The following STK31 variants were observed in gnomAD, a reference collection of about 807,000 sequenced individuals.
STK31 encodes the protein serine/threonine kinase 31.
STK31 carries 89 observed loss-of-function variants against 129.7 expected under a neutral mutation model. That is an observed-to-expected ratio of 0.69 (90% CI 0.58 to 0.82). The LOEUF (loss-of-function observed/expected upper bound fraction) is 0.82. Ranked by LOEUF, STK31 falls within the 40% of genes least tolerant of loss-of-function variation. The probability of loss-of-function intolerance (pLI) is 0.00; values close to 1 mark genes in which losing one functional copy is unlikely to be tolerated. For missense variants in STK31, 1,187 were observed against 1,176.4 expected (o/e 1.01, Z -0.13); for synonymous variants, 448 against 395.3 (o/e 1.13, Z -1.58).
intron 15 of STK31, among the ~76,000 whole-genome samples, chr7:23,773,915 CTG>C (rs1790362683): frequency 6.6e-6 from 1 of 151,808 alleles, no homozygotes; most frequent in South Asian, 2.1e-4. Flanking sequence ...TCTCCTAATG[CTG>C]TCTCTCTCCC....
chr7:23,812,396 C>G (rs1467218113), intron 22 of STK31, among the ~76,000 whole-genome samples: 2 of 91,842 alleles, frequency 2.2e-5, no homozygotes, highest in Non-Finnish European at 4.8e-5. Flanking sequence ...TCCCAAACAT[C>G]TTTTTTCATT....
At chr7:23,813,378 TGTG>T (rs1793270367) in intron 22 of STK31, among the ~76,000 whole-genome samples, 1 of 152,182 alleles carries the variant, frequency 6.6e-6, no homozygotes, top group African/African-American at 2.4e-5. Flanking sequence ...TGTGATTCAT[TGTG>T]GTGTTGATTG....
intron 22 of STK31, chr7:23,791,246 G>T: frequency 1.0e-6 from 1 of 984,310 alleles, no homozygotes; most frequent in Non-Finnish European, 1.2e-6. Context: ...GAAAATAAAT[G>T]TTAAATAAGC....
At chr7:23,822,669 T>C (rs1404194385) in intron 23 of STK31, among the ~76,000 whole-genome samples, 1 of 152,194 alleles carries the variant, frequency 6.6e-6, no homozygotes, top group Non-Finnish European at 1.5e-5. Flanking sequence ...TTGTTACATA[T>C]GTACACATGT....
chr7:23,764,277 A>T (rs1789673673), intron 11 of STK31, among the ~76,000 whole-genome samples: 1 of 152,164 alleles, frequency 6.6e-6, no homozygotes, highest in South Asian at 2.1e-4. Context: ...AATGTAGGTT[A>T]AGGTTCTGTA....
In STK31 at chr7:23,717,484, A is replaced by G; in HGVS notation, c.154A>G (p.Ile52Val). 3 of 1,597,826 alleles carry G rather than the reference A, an allele frequency of 1.9e-6. No individual in the cohort carries two copies. The highest frequency in any genetic ancestry group is 2.6e-6 in the Non-Finnish European group (3 of 1,166,396). The change falls in exon 4 of 24, where the codon ATC becomes GTC. Residue 52 changes from isoleucine to valine, a missense_variant. Around this residue, in one of 5 missense-constraint regions of STK31, gnomAD observed 104 missense variants for 98.3 expected, o/e 1.06. Transcript: ENST00000355870. Reference protein sequence around the residue: ...EDAVTFWAQSINRNKDIMKIG... With the variant: ...EDAVTFWAQSVNRNKDIMKIG... ...ATACTATATCTAATCTTTCTAGAGTATCAATAGAAATAAGGATATCATGAA... is the reference window on the plus strand; with the variant it reads ...ATACTATATCTAATCTTTCTAGAGTGTCAATAGAAATAAGGATATCATGAA...
At chr7:23,816,720 A>G (rs1004100256) in intron 23 of STK31, among the ~76,000 whole-genome samples, 3 of 152,242 alleles carry the variant, frequency 2.0e-5, no homozygotes, top group Non-Finnish European at 4.4e-5. Context: ...GACTCTGTTC[A>G]CTAAGACAGA....
rs1554300488 is a variant in STK31, at chr7:23,832,405, C to CTTCG, written c.*41_*42insCGTT. 2.0e-6 allele frequency: 3 copies of CTTCG among 1,477,482 alleles called. No individual in the cohort carries two copies. Among genetic ancestry groups the CTTCG allele is most frequent in the African/African-American group, 1.4e-5 (1 of 70,736 alleles). 91.5% of individuals were successfully genotyped at this position (1,477,482 alleles called of 1,614,324 possible). On this transcript the variant is annotated 3_prime_UTR_variant, in exon 24 of 24. Transcript: ENST00000355870. Reference sequence around the variant, plus strand: ...TTGTTGCAGAGGTTCTTTTTAAAAACTTTGGTTTGGTTAATACACAGAAAT... The same window carrying CTTCG: ...TTGTTGCAGAGGTTCTTTTTAAAAACTTCGTTTGGTTTGGTTAATACACAGAAAT...
In STK31 at chr7:23,787,990, A is replaced by G; in HGVS notation, c.2498A>G (p.Lys833Arg). Reference protein sequence around the residue: ...NMPLNSEETLKVMKGVAQGLH... With the variant: ...NMPLNSEETLRVMKGVAQGLH... ...TGTACTTATCTATAGGAAACTTTAA[A>G]GGTCATGAAAGGTGTTGCCCAGGGT... The change falls in exon 21 of 24, where the codon AAG becomes AGG. Residue 833 changes from lysine (K) to arginine (R), a missense_variant. By Grantham distance (26) the Lys-to-Arg change is conservative (BLOSUM62 2). This residue lies in a region of STK31 where 975 missense variants were observed against 934.9 expected (regional missense o/e 1.04). Transcript: ENST00000355870. 1 of 1,562,880 alleles carries G rather than the reference A, an allele frequency of 6.4e-7. No homozygotes were observed. Among genetic ancestry groups the G allele is most frequent in the Non-Finnish European group, 8.6e-7 (1 of 1,158,032 alleles).
In STK31 at chr7:23,727,336, T is replaced by G. The variant is rs778831063; in HGVS notation, c.324+21T>G. ...AAAAGGCAGGAAATTAAGTGTTCAG[T>G]TTTTTTTTGCTTTAAGAAATATTTA... On this transcript the variant is annotated intron_variant, in intron 5 of 23. Coordinates refer to ENST00000355870, the MANE Select transcript of STK31 (RefSeq NM_031414.5). 10 of 1,563,232 alleles carry G rather than the reference T, an allele frequency of 6.4e-6. No individual in the cohort carries two copies. In the South Asian group the frequency reaches 6.8e-5, roughly 11 times the overall value.
At chr7:23,805,129 G>T (rs1475625512) in intron 22 of STK31, among the ~76,000 whole-genome samples, 1 of 151,710 alleles carries the variant, frequency 6.6e-6, no homozygotes, top group African/African-American at 2.4e-5. Flanking sequence ...AGGCTAGGGT[G>T]CAGTGGTGTG....
At chr7:23,745,958 TC>T (rs1279911719) in intron 8 of STK31, among the ~76,000 whole-genome samples, 1 of 152,304 alleles carries the variant, frequency 6.6e-6, no homozygotes, top group South Asian at 2.1e-4. Flanking sequence ...GTATGGCTGT[TC>T]CTCTGCCGTA....
chr7:23,787,431 C>T (rs1791350011), intron 20 of STK31, among the ~76,000 whole-genome samples: 2 of 152,122 alleles, frequency 1.3e-5, no homozygotes, highest in Middle Eastern at 3.4e-3. Context: ...CCTCAGACCC[C>T]AGGTCGCAGA....
At position 23,729,076 on chromosome 7, in the gene STK31, T is replaced by C; in HGVS notation, c.325-15T>C. ...TCTGGGGTCAGTATTCGTATTTGTC[T>C]CTTATTTTTTCCAGTGTCTGGTGAG... is the stretch of plus-strand genomic sequence containing the variant. On this transcript the variant is annotated splice_polypyrimidine_tract_variant and intron_variant, in intron 5 of 23. Transcript: ENST00000355870. The C allele has an allele frequency of 6.3e-7, 1 of 1,581,444 alleles. No individual in the cohort carries two copies. The highest frequency in any genetic ancestry group is 2.3e-5 in the East Asian group (1 of 43,944).
At chr7:23,721,175 GA>G in intron 4 of STK31, 1 of 301,852 alleles carries the variant, frequency 3.3e-6, no homozygotes, top group Admixed American at 4.8e-5. Context: ...GTTACTGACA[GA>G]AACAAGTTTT....
chr7:23,714,155 T>TA (rs1349165235), intron 3 of STK31, among the ~76,000 whole-genome samples: 7 of 151,550 alleles, frequency 4.6e-5, no homozygotes, highest in Middle Eastern at 3.4e-3. Flanking sequence ...TGGCTGCATG[T>TA]AAAAAAAAAT....
chr7:23,768,600 T>C (rs1021788471), intron 11 of STK31, among the ~76,000 whole-genome samples: 34 of 152,132 alleles, frequency 2.2e-4, no homozygotes, highest in African/African-American at 8.0e-4. Flanking sequence ...AATTACTTAA[T>C]GGGTTCAATG....
In STK31 at chr7:23,826,133, G is replaced by A. The variant is rs138457584; in HGVS notation, c.2830-6003G>A. On this transcript the variant is annotated intron_variant, in intron 23 of 23. Coordinates refer to ENST00000355870, the MANE Select transcript of STK31 (RefSeq NM_031414.5). ...TTAGGTCCTCTTGGTGCAGAGCTGA[G>A]TTCAATTCCTGGATATCCTTGTTAA... Among the ~76,000 whole-genome samples the A allele has an allele frequency of 3.8e-3, 576 of 152,246 alleles. 9 individuals are homozygous for A. Among genetic ancestry groups the A allele is most frequent in the African/African-American group, 0.013 (559 of 41,526 alleles).
At chr7:23,731,660 C>T (rs918804620) in intron 6 of STK31, among the ~76,000 whole-genome samples, 4 of 152,154 alleles carry the variant, frequency 2.6e-5, no homozygotes, top group Non-Finnish European at 4.4e-5. Context: ...AACACTTTCA[C>T]GCTATGCTGC....
Sources: allele counts gnomAD v4.1 joint callset (sites outside exome capture counted in the v4.1 genomes callset), GRCh38; gene constraint gnomAD v4.1.1; regional missense constraint gnomAD v4.1.1; transcripts MANE v1.5; gene names NCBI Gene and HGNC (gene_info 2026-07-23, HGNC 2026-07-21).